Variants in KDM8 observed in about 807,000 individuals in gnomAD.
The protein encoded by KDM8 is bifunctional peptidase and arginyl-hydroxylase JMJD5.
In KDM8, 35 loss-of-function variants were observed where a neutral mutation model predicts 46.9. The ratio of observed to expected loss-of-function variants is 0.75; its 90% CI spans 0.57 to 0.99. The LOEUF is 0.99. Among genes scored for constraint, KDM8 ranks in the 50% least tolerant of loss-of-function variants. The probability of loss-of-function intolerance (pLI) is 0.00; values close to 1 mark genes in which losing one functional copy is unlikely to be tolerated. For synonymous variants in KDM8, 232 were observed against 227.7 expected (o/e 1.02, Z -0.17); for missense variants, 475 against 537.0 (o/e 0.88, Z 1.14).
At chr16:27,207,567 G>A (rs934998450) in intron 1 of KDM8, among the ~76,000 whole-genome samples, 5 of 152,204 alleles carry the variant, frequency 3.3e-5, no homozygotes, top group African/African-American at 1.2e-4. Context: ...GCCAACATAA[G>A]GCCTTGTAGG....
In KDM8 at chr16:27,216,010, C is replaced by G. The variant is rs763697426; in HGVS notation, c.843+21C>G. 7 of 1,613,678 alleles carry G rather than the reference C, an allele frequency of 4.3e-6. No homozygotes were observed. In the African/African-American group the frequency reaches 6.7e-5, roughly 15 times the overall value. On this transcript the variant is annotated intron_variant, in intron 5 of 7. Coordinates refer to ENST00000286096, the MANE Select transcript of KDM8 (RefSeq NM_024773.3). Reference sequence around the variant, plus strand: ...ACCAGGTAAGTCTGAGGCCACGCACCTCTGCCCCTCACCGTCTCACCTTCC... The same window carrying G: ...ACCAGGTAAGTCTGAGGCCACGCACGTCTGCCCCTCACCGTCTCACCTTCC...
rs986245632 is a variant in KDM8, at chr16:27,220,355, T to C, written c.994-38T>C. 3.8e-6 allele frequency: 6 copies of C among 1,577,516 alleles called. No homozygotes were observed. The African/African-American group carries it at 8.1e-5, about 21-fold the overall frequency. ...GAGTGGGCTTGGGGCAGCAGTGGAG[T>C]GAGGCCACCAGCTGACTGTCAGGGT... On this transcript the variant is annotated intron_variant, in intron 6 of 7. Transcript: ENST00000286096.
At position 27,216,051 on chromosome 16, in the gene KDM8, T is replaced by G. The variant is rs1187245927; in HGVS notation, c.843+62T>G. ...CTCACCTTCCCCTCTCCTCCCCTCC[T>G]GGGCTCAGTGCGGCTGGAGCAGTGA... On this transcript the variant is annotated intron_variant, in intron 5 of 7. Coordinates refer to ENST00000286096, the MANE Select transcript of KDM8 (RefSeq NM_024773.3). 1.3e-5 allele frequency: 21 copies of G among 1,560,968 alleles called. No individual in the cohort carries two copies. In the East Asian group the frequency reaches 3.6e-4, roughly 27 times the overall value.
Position 27,206,211 on chromosome 16 carries a change from T to C in KDM8, c.-32+2575T>C, listed in dbSNP as rs148092990. ...CAGGGAACTGGCAAGTCACACATCTTATTCTTGACTCCCTCCTTTGGAAGC... is the reference window on the plus strand; with the variant it reads ...CAGGGAACTGGCAAGTCACACATCTCATTCTTGACTCCCTCCTTTGGAAGC... On this transcript the variant is annotated intron_variant, in intron 1 of 7. Coordinates refer to ENST00000286096, the MANE Select transcript of KDM8 (RefSeq NM_024773.3). The C allele has an allele frequency of 1.4e-3, 1,344 of 984,222 alleles. 12 individuals carry two copies. The African/African-American group carries it at 0.022, about 16-fold the overall frequency. 61.0% of individuals were successfully genotyped at this position (984,222 alleles called of 1,614,324 possible). A position where few individuals can be genotyped will look rare whatever the true frequency, so the allele number is the denominator to read the frequency against.
In KDM8 at chr16:27,210,513, G is replaced by A; in HGVS notation, c.390G>A (p.Gly130=). ...TCTGTGACATGGGCCTGCTGATGGG[G>A]GCAGCCATCCTGGGGGACATCCTTC... ...LRVCDMGLLM[G]AAILGDILLK... The change falls in exon 2 of 8, where the codon GGG becomes GGA. Residue 130 remains glycine, a synonymous_variant. Transcript: ENST00000286096. 3 of 1,558,630 alleles carry A rather than the reference G, an allele frequency of 1.9e-6. No homozygotes were observed. Among genetic ancestry groups the A allele is most frequent in the Non-Finnish European group, 2.6e-6 (3 of 1,148,934 alleles).
chr16:27,220,710 G>A lies in KDM8; in HGVS notation c.1231G>A (p.Val411Ile). 1 of 1,614,228 alleles carries A rather than the reference G, an allele frequency of 6.2e-7. No homozygotes were observed. The highest frequency in any genetic ancestry group is 8.5e-7 in the Non-Finnish European group (1 of 1,180,042). Residue 411 changes from valine (V) to isoleucine (I), a missense_variant, in exon 8 of 8, where the codon GTC (valine) becomes ATC (isoleucine). Val to Ile is a conservative substitution (Grantham distance 29). Transcript: ENST00000286096. ...YVRALDLSFS[V>I]SFWWS ...GCGGGCTCTGGATTTGAGCTTCTCG[G>A]TCAGCTTCTGGTGGTCGTAGCCAGG...
intron 1 of KDM8, chr16:27,204,294 C>G: frequency 7.2e-7 from 1 of 1,389,548 alleles, no homozygotes; most frequent in Non-Finnish European, 9.3e-7. Context: ...AATCGCCGTG[C>G]TCAGGAGGAC....
Position 27,220,385 on chromosome 16 carries a change from C to T in KDM8, c.994-8C>T, listed in dbSNP as rs2083605246. On this transcript the variant is annotated splice_region_variant and splice_polypyrimidine_tract_variant and intron_variant, in intron 6 of 7. Coordinates refer to ENST00000286096, the MANE Select transcript of KDM8 (RefSeq NM_024773.3). ...CCACCAGCTGACTGTCAGGGTCTCT[C>T]TCCCCAGGTGATGGGGAGGAAGTAC... 1.2e-6 allele frequency: 2 copies of T among 1,613,108 alleles called. No homozygotes were observed. The highest frequency in any genetic ancestry group is 1.7e-6 in the Non-Finnish European group (2 of 1,179,300).
intron 1 of KDM8, chr16:27,204,448 TG>T: frequency 2.1e-6 from 2 of 954,452 alleles, no homozygotes; most frequent in Non-Finnish European, 2.7e-6. Flanking sequence ...CAAACTTTCC[TG>T]GGAAGTTTTA....
chr16:27,205,324 T>G (rs2083417642), intron 1 of KDM8, among the ~76,000 whole-genome samples: 1 of 152,222 alleles, frequency 6.6e-6, no homozygotes, highest in Non-Finnish European at 1.5e-5. Context: ...CAGCCTATAT[T>G]CTGACCTTCT....
intron 4 of KDM8, among the ~76,000 whole-genome samples, chr16:27,215,562 T>C (rs80296003): frequency 0.014 from 2,130 of 152,156 alleles, 47 homozygotes; most frequent in African/African-American, 0.047. Flanking sequence ...GCTTGGACAA[T>C]AGAACCAGGC....
rs769570951 is a variant in KDM8 at position 27,220,618 on chromosome 16, C to T, written c.1139C>T (p.Pro380Leu). The change falls in exon 8 of 8, where the codon CCA becomes CTA. Residue 380 changes from proline (P) to leucine (L), a missense_variant. Pro to Leu is a moderately conservative substitution (Grantham distance 98). Coordinates refer to ENST00000286096, the MANE Select transcript of KDM8 (RefSeq NM_024773.3). ...AAGTTCCCCAAGTTTGCCAAGGCCC[C>T]ATTCCTGTCCTGCATCCTGTCTCCT... Reference protein sequence around the residue: ...LEKFPKFAKAPFLSCILSPGE... With the variant: ...LEKFPKFAKALFLSCILSPGE... 10 of 1,614,184 alleles carry T rather than the reference C, an allele frequency of 6.2e-6. No individual in the cohort carries two copies. The South Asian group carries it at 8.8e-5, about 14-fold the overall frequency.
intron 1 of KDM8, chr16:27,206,103 A>G (rs2083425936): frequency 8.5e-6 from 3 of 351,666 alleles, no homozygotes; most frequent in South Asian, 1.2e-4. Context: ...ACAACTCCCA[A>G]TAAACCCTTT....
At chr16:27,211,378 A>G (rs117094825) in intron 2 of KDM8, 8,658 of 358,386 alleles carry the variant, frequency 0.024, 146 homozygotes, top group Middle Eastern at 0.049. Context: ...TTTGGGGTCA[A>G]TCTCTCCCAC....
chr16:27,220,818 A>C lies in KDM8; in HGVS notation c.*88A>C. The stretch of plus-strand genomic sequence containing the variant: ...GGTCCTGGAATCTATAGAGACAAGC[A>C]GGACTGAACCTGTGTCCTGAAGAGC... On this transcript the variant is annotated 3_prime_UTR_variant, in exon 8 of 8. Coordinates refer to ENST00000286096, the MANE Select transcript of KDM8 (RefSeq NM_024773.3). The C allele has an allele frequency of 6.7e-7, 1 of 1,493,386 alleles. No homozygotes were observed. The highest frequency in any genetic ancestry group is 1.1e-5 in the South Asian group (1 of 88,254). The allele number at this position is 1,493,386 out of a possible 1,614,324, so 92.5% of individuals were successfully genotyped here. A position where few individuals can be genotyped will look rare whatever the true frequency, so the allele number is the denominator to read the frequency against.
chr16:27,215,707 T>C (rs1444961354), intron 4 of KDM8, among the ~76,000 whole-genome samples: 2 of 152,222 alleles, frequency 1.3e-5, no homozygotes. Context: ...TGCCATTTTA[T>C]GAAAATGTTT....
chr16:27,219,904 A>G (rs990645288), intron 6 of KDM8, among the ~76,000 whole-genome samples: 3 of 152,248 alleles, frequency 2.0e-5, no homozygotes, highest in Non-Finnish European at 4.4e-5. Flanking sequence ...TTATTTTTCA[A>G]AATGTATTTG....
At chr16:27,212,776 G>A (rs184994767) in intron 2 of KDM8, among the ~76,000 whole-genome samples, 3 of 152,114 alleles carry the variant, frequency 2.0e-5, no homozygotes, top group Admixed American at 6.5e-5. Context: ...CTGCAGCCTC[G>A]ACCTCCTAGG....
intron 3 of KDM8, 162 bp from the exon 4 acceptor site, chr16:27,214,714 A>G (rs1449813219): frequency 4.2e-6 from 3 of 722,240 alleles, no homozygotes; most frequent in Non-Finnish European, 7.0e-6. Context: ...AGGGAGCCCC[A>G]CCTCTCCATG....
Sources: allele counts gnomAD v4.1 joint callset (sites outside exome capture counted in the v4.1 genomes callset), GRCh38; gene constraint gnomAD v4.1.1; transcripts MANE v1.5; gene names NCBI Gene and HGNC (gene_info 2026-07-23, HGNC 2026-07-21).